Variants in MEGF11 observed in about 807,000 individuals in gnomAD.
MEGF11 encodes multiple EGF like domains 11, also known as multiple epidermal growth factor-like domains protein 11.
MEGF11 carries 126 observed loss-of-function variants against 146.6 expected under a neutral mutation model. The ratio of observed to expected loss-of-function variants is 0.86; its 90% CI spans 0.74 to 1.00. MEGF11 has a LOEUF of 1.00. MEGF11 is among the 50% of genes least tolerant of loss of function. The probability of loss-of-function intolerance (pLI) is 0.00; values close to 1 mark genes in which losing one functional copy is unlikely to be tolerated. For synonymous variants in MEGF11, 532 were observed against 583.4 expected (o/e 0.91, Z 1.27); for missense variants, 1,509 against 1,521.2 (o/e 0.99, Z 0.13).
At position 65,916,267 on chromosome 15, in the gene MEGF11, G is replaced by T. The variant is rs1489020203; in HGVS notation, c.2225C>A (p.Ala742Glu). 6.4e-7 allele frequency: 1 copy of T among 1,555,510 alleles called. No individual in the cohort carries two copies. Among genetic ancestry groups the T allele is most frequent in the South Asian group, 1.2e-5 (1 of 84,252 alleles). ...CCCACAGTCCTTCCCAAAAAATGCT[G>T]CTGGGCAGCCTAGAGAAACAGGATT... ...TGLFCTQRCP[A>E]AFFGKDCGRV... is the part of the protein sequence containing the mutation. The change falls in exon 18 of 26, where the codon GCA (alanine) becomes GAA (glutamate). Residue 742 changes from alanine to glutamate, a missense_variant. Physicochemically the swap from Ala to Glu is moderately radical, Grantham distance 107 (BLOSUM62 -1). Coordinates refer to ENST00000395614, the MANE Select transcript of MEGF11 (RefSeq NM_001385028.1).
At chr15:66,202,593 C>G (rs931843904) in intron 1 of MEGF11, among the ~76,000 whole-genome samples, 3 of 152,242 alleles carry the variant, frequency 2.0e-5, no homozygotes, top group African/African-American at 7.2e-5. Context: ...ATCCTGCTCA[C>G]CCTCCTTTCC....
chr15:66,010,281 C>T (rs1192004483), intron 5 of MEGF11, among the ~76,000 whole-genome samples: 2 of 151,984 alleles, frequency 1.3e-5, no homozygotes, highest in East Asian at 1.9e-4. Flanking sequence ...CAACCTCCGC[C>T]TCCTGGATTC....
chr15:66,022,212 T>A (rs1006344981), intron 5 of MEGF11, among the ~76,000 whole-genome samples: 2 of 152,210 alleles, frequency 1.3e-5, no homozygotes, highest in Non-Finnish European at 2.9e-5. Context: ...AGGACAGGTG[T>A]GGGCCCTCAG....
chr15:66,153,221 T>C (rs568241998), intron 1 of MEGF11, among the ~76,000 whole-genome samples: 71 of 152,294 alleles, frequency 4.7e-4, no homozygotes, highest in East Asian at 1.9e-4. Flanking sequence ...AGCTCTTTAG[T>C]GGATGGGCTG....
rs144554756 is a variant in MEGF11 at position 66,093,143 on chromosome 15, C to T, written c.394+1259G>A. 3.9e-5 allele frequency among the ~76,000 whole-genome samples: 6 copies of T among 152,280 alleles called. No homozygotes were observed. In the East Asian group the frequency reaches 1.2e-3, roughly 29 times the overall value. On this transcript the variant is annotated intron_variant, in intron 5 of 25. Coordinates refer to ENST00000395614, the MANE Select transcript of MEGF11 (RefSeq NM_001385028.1). The stretch of plus-strand genomic sequence containing the variant: ...CCACTGTGGTCACTGGAGGTCCTAA[C>T]ACATTAGGGGGTTTCTTGGATACCT...
At chr15:66,187,079 A>G (rs774694971) in intron 1 of MEGF11, among the ~76,000 whole-genome samples, 27 of 152,238 alleles carry the variant, frequency 1.8e-4, no homozygotes, top group Non-Finnish European at 7.3e-5. Flanking sequence ...ATGAACTAAG[A>G]TGAAATATAT....
At chr15:66,231,979 C>A (rs1228856696) in intron 1 of MEGF11, among the ~76,000 whole-genome samples, 1 of 152,216 alleles carries the variant, frequency 6.6e-6, no homozygotes, top group Non-Finnish European at 1.5e-5. Flanking sequence ...ATTTCAAGCC[C>A]ATTTTACAGA....
rs116494229 is a variant in MEGF11 at position 65,994,117 on chromosome 15, C to T, written c.395-11629G>A. Reference sequence around the variant, plus strand: ...GGACAAAGCACTAAGCAGCTAAAAGCGGGGAGGGTGTGCAAAAACCTAATT... The same window carrying T: ...GGACAAAGCACTAAGCAGCTAAAAGTGGGGAGGGTGTGCAAAAACCTAATT... On this transcript the variant is annotated intron_variant, in intron 5 of 25. Coordinates refer to ENST00000395614, the MANE Select transcript of MEGF11 (RefSeq NM_001385028.1). Among the ~76,000 whole-genome samples, 519 of 152,302 alleles carry T rather than the reference C, an allele frequency of 3.4e-3. 4 individuals carry two copies. Among genetic ancestry groups the T allele is most frequent in the African/African-American group, 0.012 (491 of 41,570 alleles).
intron 24 of MEGF11, among the ~76,000 whole-genome samples, chr15:65,901,406 A>G (rs913520716): frequency 2.0e-5 from 3 of 152,332 alleles, no homozygotes; most frequent in Non-Finnish European, 2.9e-5. Context: ...AACTTGTTAC[A>G]TAATGAATAG....
intron 1 of MEGF11, among the ~76,000 whole-genome samples, chr15:66,170,378 T>C (rs1414112583): frequency 1.3e-5 from 2 of 152,190 alleles, no homozygotes; most frequent in Non-Finnish European, 2.9e-5. Context: ...AAGACACTCA[T>C]AGCATGCTCT....
At chr15:66,095,158 T>C (rs774243591) in intron 4 of MEGF11, among the ~76,000 whole-genome samples, 3 of 152,254 alleles carry the variant, frequency 2.0e-5, no homozygotes, top group Non-Finnish European at 2.9e-5. Context: ...TGCAGCCTCC[T>C]GAGGTGGGAG....
chr15:65,913,782 A>G lies in MEGF11; in HGVS notation c.2665T>C (p.Tyr889His), dbSNP rs1352936723. 1 of 1,613,628 alleles carries G rather than the reference A, an allele frequency of 6.2e-7. No homozygotes were observed. The highest frequency in any genetic ancestry group is 1.1e-5 in the South Asian group (1 of 91,006). The change falls in exon 20 of 26, where the codon TAC becomes CAC. Residue 889 changes from tyrosine to histidine, a missense_variant. Coordinates refer to ENST00000395614, the MANE Select transcript of MEGF11 (RefSeq NM_001385028.1). Reference sequence around the variant, plus strand: ...CTGGTCATCCTCATGGCAGGTGTGTAGGAGACACGGGGAGCCAGGTCTCGG... The same window carrying G: ...CTGGTCATCCTCATGGCAGGTGTGTGGGAGACACGGGGAGCCAGGTCTCGG... Reference protein sequence around the residue: ...KGRDLAPRVSYTPAMRMTSTD... With the variant: ...KGRDLAPRVSHTPAMRMTSTD...
At chr15:65,970,936 C>T (rs1020213323) in intron 7 of MEGF11, 45 of 532,036 alleles carry the variant, frequency 8.5e-5, no homozygotes, top group Non-Finnish European at 1.3e-4. Flanking sequence ...GTGTGAGACA[C>T]TAGGGGTGAT....
intron 5 of MEGF11, among the ~76,000 whole-genome samples, chr15:66,041,245 G>A (rs2140296523): frequency 6.6e-6 from 1 of 152,308 alleles, no homozygotes; most frequent in East Asian, 1.9e-4. Context: ...TTGATCGACT[G>A]GGCAAGAGAT....
In MEGF11 at chr15:66,123,973, A is replaced by C. The variant is rs1358891218; in HGVS notation, c.126T>G (p.Tyr42Ter). 1.2e-6 allele frequency: 2 copies of C among 1,613,870 alleles called. No individual in the cohort carries two copies. Among genetic ancestry groups the C allele is most frequent in the Non-Finnish European group, 1.7e-6 (2 of 1,179,850 alleles). The change falls in exon 3 of 26, where the codon TAT becomes TAG. Residue 42 changes from tyrosine to a stop codon, truncating the protein, a stop_gained. Coordinates refer to ENST00000395614, the MANE Select transcript of MEGF11 (RefSeq NM_001385028.1). LOFTEE classifies it high-confidence loss of function. ...AATAGATCTGATCGAAGGGGTGTGCATACGATTCCTGGACAGTCACAGCAT... is the reference window on the plus strand; with the variant it reads ...AATAGATCTGATCGAAGGGGTGTGCCTACGATTCCTGGACAGTCACAGCAT... ...ESYAVTVQES[Y>*]AHPFDQIYYT... is the part of the protein sequence containing the mutation.
At chr15:66,110,490 G>A (rs1411395457) in intron 4 of MEGF11, among the ~76,000 whole-genome samples, 1 of 152,132 alleles carries the variant, frequency 6.6e-6, no homozygotes, top group Non-Finnish European at 1.5e-5. Flanking sequence ...TGCCTTCCTT[G>A]CCTCCCTATT....
At chr15:65,918,174 T>A (rs1424865197) in intron 15 of MEGF11, 80 bp from the exon 16 acceptor site, 3 of 1,580,302 alleles carry the variant, frequency 1.9e-6, no homozygotes, top group Admixed American at 1.7e-5. Flanking sequence ...TCCCTAGAAG[T>A]TCCCAAGCCA....
intron 5 of MEGF11, among the ~76,000 whole-genome samples, chr15:66,059,738 G>A (rs1312817059): frequency 1.3e-5 from 2 of 152,158 alleles, no homozygotes; most frequent in Non-Finnish European, 2.9e-5. Flanking sequence ...GGACCAGAAC[G>A]TCCCAGAACC....
chr15:66,218,432 C>G (rs1323155356), intron 1 of MEGF11, among the ~76,000 whole-genome samples: 1 of 152,140 alleles, frequency 6.6e-6, no homozygotes, highest in Non-Finnish European at 1.5e-5. Context: ...GAAGAGACCC[C>G]TGCAATCTGT....
Sources: allele counts gnomAD v4.1 joint callset (sites outside exome capture counted in the v4.1 genomes callset), GRCh38; gene constraint gnomAD v4.1.1; transcripts MANE v1.5; gene names NCBI Gene and HGNC (gene_info 2026-07-23, HGNC 2026-07-21).